The following XPO7 variants were observed in gnomAD, a reference collection of about 807,000 sequenced individuals.
XPO7 encodes exportin 7, also known as exportin-7.
A neutral mutation model predicts 144.3 loss-of-function variants in XPO7; 21 were observed. That is an observed-to-expected ratio of 0.15 (90% CI 0.10 to 0.21). The LOEUF is 0.21. Ranked by LOEUF, XPO7 falls within the 10% of genes least tolerant of loss-of-function variation. The pLI is 1.00. For synonymous variants in XPO7, 580 were observed against 499.6 expected, an observed-to-expected ratio of 1.16 and a Z score of -2.15; for missense variants, 808 against 1,325.8, an observed-to-expected ratio of 0.61 and a Z score of 6.06.
intron 1 of XPO7, among the ~76,000 whole-genome samples, chr8:21,954,048 T>C (rs1299305945): frequency 1.3e-5 from 2 of 152,190 alleles, no homozygotes; most frequent in African/African-American, 4.8e-5. Context: ...AGAGGGGGAC[T>C]GGGGAAGATA....
intron 1 of XPO7, among the ~76,000 whole-genome samples, chr8:21,935,395 T>C (rs544818294): frequency 6.6e-6 from 1 of 152,332 alleles, no homozygotes; most frequent in Admixed American, 6.5e-5. Flanking sequence ...AACAAACTAA[T>C]TGGAAATTAA....
At chr8:21,953,172 C>G (rs1380470555) in intron 1 of XPO7, among the ~76,000 whole-genome samples, 4 of 152,084 alleles carry the variant, frequency 2.6e-5, no homozygotes, top group African/African-American at 9.7e-5. Flanking sequence ...TGACATGTAT[C>G]TACAATTACA....
At chr8:21,920,580 G>A (rs1276960354) in intron 1 of XPO7, among the ~76,000 whole-genome samples, 1 of 152,220 alleles carries the variant, frequency 6.6e-6, no homozygotes, top group Non-Finnish European at 1.5e-5. Context: ...CTCCTAGCGT[G>A]CTGTGGGGCC....
chr8:21,937,906 C>G (rs899985000), intron 1 of XPO7, among the ~76,000 whole-genome samples: 1 of 152,080 alleles, frequency 6.6e-6, no homozygotes, highest in Non-Finnish European at 1.5e-5. Context: ...TTGCATTAAA[C>G]TCCCACTTTC....
chr8:21,927,330 A>G (rs1810489579), intron 1 of XPO7, among the ~76,000 whole-genome samples: 1 of 152,180 alleles, frequency 6.6e-6, no homozygotes, highest in Non-Finnish European at 1.5e-5. Flanking sequence ...ATTATTTACT[A>G]GTTCTTGGAA....
chr8:21,954,762 T>C (rs1279948545), intron 1 of XPO7, among the ~76,000 whole-genome samples: 1 of 152,196 alleles, frequency 6.6e-6, no homozygotes, highest in African/African-American at 2.4e-5. Flanking sequence ...CTTAATGAAG[T>C]GAGTTTATAC....
At chr8:21,934,520 CG>C (rs1253850028) in intron 1 of XPO7, among the ~76,000 whole-genome samples, 1 of 150,680 alleles carries the variant, frequency 6.6e-6, no homozygotes, top group Non-Finnish European at 1.5e-5. Flanking sequence ...GCAACAAGAG[CG>C]AAACTCCGTC....
chr8:22,003,633 A>G (rs1313920921), intron 26 of XPO7, among the ~76,000 whole-genome samples: 1 of 152,230 alleles, frequency 6.6e-6, no homozygotes, highest in African/African-American at 2.4e-5. Flanking sequence ...TAGCTCTGCT[A>G]TAAACAAGTC....
At position 22,003,914 on chromosome 8, in the gene XPO7, C is replaced by G. The variant is rs1317027320; in HGVS notation, c.3054C>G (p.Asp1018Glu). 6.2e-7 allele frequency: 1 copy of G among 1,613,864 alleles called. No individual in the cohort carries two copies. The highest frequency in any genetic ancestry group is 8.5e-7 in the Non-Finnish European group (1 of 1,179,858). ...LILLNEKYFS[D>E]LRNSIVNSQP... is the part of the protein sequence containing the mutation. ...TCCTTGCCCCACAGTATTTTTCTGA[C>G]CTAAGAAACAGTATTGTGAACAGCC... is the stretch of plus-strand genomic sequence containing the variant. Residue 1018 changes from aspartate to glutamate, a missense_variant, in exon 27 of 28, where the codon GAC (aspartate) becomes GAG (glutamate). By Grantham distance (45) the Asp-to-Glu change is conservative (BLOSUM62 2). Around this residue, in one of 5 missense-constraint regions of XPO7, gnomAD observed 140 missense variants for 237.9 expected, o/e 0.59. Transcript: ENST00000252512.
rs370620132 is a variant in XPO7, at chr8:21,990,336, G to C, written c.1869-8G>C. 4 of 1,612,788 alleles carry C rather than the reference G, an allele frequency of 2.5e-6. No homozygotes were observed. Among genetic ancestry groups the C allele is most frequent in the East Asian group, 4.5e-5 (2 of 44,854 alleles). On this transcript the variant is annotated splice_polypyrimidine_tract_variant and splice_region_variant and intron_variant, in intron 16 of 27. Coordinates refer to ENST00000252512, the MANE Select transcript of XPO7 (RefSeq NM_015024.5). The stretch of plus-strand genomic sequence containing the variant: ...ACACTTTCCTTGACCTTCTTCCTTT[G>C]TCTTCACGTACAGTAGCGTAAGGAA...
chr8:21,975,699 A>G (rs1213306557), intron 6 of XPO7, among the ~76,000 whole-genome samples: 2 of 152,228 alleles, frequency 1.3e-5, no homozygotes, highest in South Asian at 2.1e-4. Context: ...CTGGAGGGGA[A>G]AAGCTTTTGA....
intron 1 of XPO7, among the ~76,000 whole-genome samples, chr8:21,948,600 C>A (rs1811268140): frequency 6.6e-6 from 1 of 152,158 alleles, no homozygotes; most frequent in Non-Finnish European, 1.5e-5. Context: ...GATTGACTCA[C>A]ATAAAATTGT....
At chr8:21,961,184 G>A (rs747886692) in intron 1 of XPO7, among the ~76,000 whole-genome samples, 28 of 151,232 alleles carry the variant, frequency 1.9e-4, no homozygotes, top group Non-Finnish European at 3.5e-4. Context: ...TCTAGGAGTG[G>A]AATAGCTGGG....
chr8:21,996,498 C>G (rs1378487462), intron 21 of XPO7, among the ~76,000 whole-genome samples: 2 of 152,138 alleles, frequency 1.3e-5, no homozygotes, highest in African/African-American at 4.8e-5. Context: ...TTCCTGCCCA[C>G]AGATAAGAAA....
In XPO7 at chr8:21,970,241, C is replaced by T. The variant is rs1489443321; in HGVS notation, c.357C>T (p.Gly119=). 6.2e-7 allele frequency: 1 copy of T among 1,613,598 alleles called. No homozygotes were observed. The highest frequency in any genetic ancestry group is 1.3e-5 in the African/African-American group (1 of 74,824). The change falls in exon 4 of 28, where the codon GGC becomes GGT. Residue 119 remains glycine, a synonymous_variant. Coordinates refer to ENST00000252512, the MANE Select transcript of XPO7 (RefSeq NM_015024.5). ...TATATGCCAGAATCACAAAACTGGG[C>T]TGGTTTGACTGTCAGAAGGATGACT... ...IQLYARITKL[G]WFDCQKDDYV...
intron 24 of XPO7, 32 bp from the exon 25 acceptor site, chr8:22,002,080 C>G: frequency 1.9e-6 from 3 of 1,581,920 alleles, no homozygotes; most frequent in Non-Finnish European, 2.6e-6. Context: ...CCATCAGCAG[C>G]TCTGTCCTAC....
At chr8:21,987,072 A>G (rs758411786) in intron 13 of XPO7, 69 bp from the exon 14 acceptor site, 3 of 1,601,668 alleles carry the variant, frequency 1.9e-6, no homozygotes, top group Middle Eastern at 2.2e-4. Flanking sequence ...CCATGTCAAG[A>G]TAGCTTGGGT....
intron 1 of XPO7, 96 bp from the exon 2 acceptor site, chr8:21,966,761 A>G: frequency 6.8e-7 from 1 of 1,478,692 alleles, no homozygotes; most frequent in Middle Eastern, 1.8e-4. Context: ...TTCTTTCTTT[A>G]CTGATTATTA....
At chr8:21,956,325 T>A (rs964810467) in intron 1 of XPO7, among the ~76,000 whole-genome samples, 2 of 152,244 alleles carry the variant, frequency 1.3e-5, no homozygotes, top group Non-Finnish European at 2.9e-5. Flanking sequence ...TTTCTCTCTC[T>A]GCTAAAAGCA....
Sources: allele counts gnomAD v4.1 joint callset (sites outside exome capture counted in the v4.1 genomes callset), GRCh38; gene constraint gnomAD v4.1.1; regional missense constraint gnomAD v4.1.1; transcripts MANE v1.5; gene names NCBI Gene and HGNC (gene_info 2026-07-23, HGNC 2026-07-21).